The following COLGALT2 variants were observed in gnomAD, a reference collection of about 807,000 sequenced individuals.
The protein encoded by COLGALT2 is procollagen galactosyltransferase 2.
A neutral mutation model predicts 73.4 loss-of-function variants in COLGALT2; 49 were observed. The observed-to-expected ratio is 0.67, with a 90% CI of 0.53 to 0.85. COLGALT2 has a LOEUF of 0.85. Among genes scored for constraint, COLGALT2 ranks in the 40% least tolerant of loss-of-function variants. The pLI is 0.00. For missense variants in COLGALT2, 722 were observed against 790.2 expected (o/e 0.91, Z 1.03); for synonymous variants, 295 against 307.6 (o/e 0.96, Z 0.43).
chr1:184,031,946 A>G (rs939649382), intron 1 of COLGALT2, among the ~76,000 whole-genome samples: 4 of 151,614 alleles, frequency 2.6e-5, no homozygotes, highest in Admixed American at 6.6e-5. Flanking sequence ...GCCCAGGAAG[A>G]AGCACAGTGG....
intron 2 of COLGALT2, among the ~76,000 whole-genome samples, chr1:183,975,826 C>T (rs772094287): frequency 3.9e-5 from 6 of 152,190 alleles, no homozygotes; most frequent in African/African-American, 9.7e-5. Context: ...GGTTGGAGCA[C>T]GCTCCAAAAC....
Position 183,936,858 on chromosome 1 carries a change from A to G in COLGALT2, c.*1903T>C. ...AGCTTGCTGGTCAGTGTAGAAGGGT[A>G]CCCACAGTGAGTCGGGAAGGAAGGC... On this transcript the variant is annotated 3_prime_UTR_variant, in exon 12 of 12. Transcript: ENST00000361927. 8 of 1,231,702 alleles carry G rather than the reference A, an allele frequency of 6.5e-6. No homozygotes were observed. Among genetic ancestry groups the G allele is most frequent in the East Asian group, 6.3e-5 (2 of 31,696 alleles). The allele number at this position is 1,231,702 out of a possible 1,614,324, so 76.3% of individuals were successfully genotyped here. A position where few individuals can be genotyped will look rare whatever the true frequency, so the allele number is the denominator to read the frequency against.
chr1:183,986,805 T>C (rs1394141698), intron 1 of COLGALT2, among the ~76,000 whole-genome samples: 1 of 152,146 alleles, frequency 6.6e-6, no homozygotes, highest in African/African-American at 2.4e-5. Context: ...AGGCTGAGGA[T>C]GAGAGGTTAT....
rs374099635 is a variant in COLGALT2, at chr1:183,937,862, C to A, written c.*899G>T. ...CAGTGACTCACAGAACTCACACCTG[C>A]GGTGGGTTCCCAGGCTAAGGGGTGG... On this transcript the variant is annotated 3_prime_UTR_variant, in exon 12 of 12. Coordinates refer to ENST00000361927, the MANE Select transcript of COLGALT2 (RefSeq NM_015101.4). The A allele has an allele frequency of 1.0e-6, 1 of 985,462 alleles. No homozygotes were observed. The highest frequency in any genetic ancestry group is 5.2e-4 in the Middle Eastern group (1 of 1,914). The allele number at this position is 985,462 out of a possible 1,614,324, so 61.0% of individuals were successfully genotyped here. A position where few individuals can be genotyped will look rare whatever the true frequency, so the allele number is the denominator to read the frequency against.
chr1:184,013,576 G>A (rs971960265), intron 1 of COLGALT2, among the ~76,000 whole-genome samples: 8 of 152,202 alleles, frequency 5.3e-5, no homozygotes, highest in Admixed American at 2.0e-4. Flanking sequence ...GGGGAAGGAC[G>A]GGGCGGGAGA....
intron 11 of COLGALT2, among the ~76,000 whole-genome samples, chr1:183,939,776 G>A (rs1412154232): frequency 2.0e-5 from 3 of 152,120 alleles, no homozygotes; most frequent in Admixed American, 1.3e-4. Flanking sequence ...AGATCACCCA[G>A]CAACTGAGAG....
chr1:183,964,152 A>G (rs1670800767), intron 5 of COLGALT2, 132 bp from the exon 6 acceptor site: 2 of 967,708 alleles, frequency 2.1e-6, no homozygotes, highest in Non-Finnish European at 3.0e-6. Context: ...TGTTTCAGGT[A>G]TGTCTATAGA....
At chr1:183,994,186 C>A (rs570991848) in intron 1 of COLGALT2, among the ~76,000 whole-genome samples, 24 of 150,928 alleles carry the variant, frequency 1.6e-4, no homozygotes, top group Admixed American at 8.6e-4. Context: ...CTACAGGCAC[C>A]CGCCACCACA....
intron 1 of COLGALT2, among the ~76,000 whole-genome samples, chr1:184,015,561 C>T (rs1648971148): frequency 6.6e-6 from 1 of 152,246 alleles, no homozygotes; most frequent in African/African-American, 2.4e-5. Context: ...CGCATGTTTG[C>T]ACATCTTCTA....
intron 1 of COLGALT2, among the ~76,000 whole-genome samples, chr1:184,006,602 A>AAAT (rs10691791): frequency 0.52 from 77,052 of 148,134 alleles, 20,203 homozygotes; most frequent in Admixed American, 0.55. Flanking sequence ...AATAAAAATA[A>AAAT]AATAATAATA....
chr1:183,975,827 G>A (rs1184402863), intron 2 of COLGALT2, among the ~76,000 whole-genome samples: 1 of 152,154 alleles, frequency 6.6e-6, no homozygotes, highest in Non-Finnish European at 1.5e-5. Context: ...GTTGGAGCAC[G>A]CTCCAAAACC....
At chr1:183,997,876 C>G (rs1671812304) in intron 1 of COLGALT2, among the ~76,000 whole-genome samples, 1 of 152,210 alleles carries the variant, frequency 6.6e-6, no homozygotes, top group East Asian at 1.9e-4. Flanking sequence ...TAATACCTCA[C>G]TGTATTATTA....
At chr1:184,015,553 C>T (rs960212690) in intron 1 of COLGALT2, among the ~76,000 whole-genome samples, 9 of 152,256 alleles carry the variant, frequency 5.9e-5, no homozygotes, top group African/African-American at 2.2e-4. Context: ...AATGTCTCCG[C>T]ATGTTTGCAC....
At chr1:183,975,296 A>C (rs1338029248) in intron 2 of COLGALT2, 82 bp from the exon 3 acceptor site, 2 of 755,072 alleles carry the variant, frequency 2.6e-6, no homozygotes, top group Non-Finnish European at 4.3e-6. Context: ...GTATTCATTT[A>C]ATCTTCTATC....
intron 2 of COLGALT2, among the ~76,000 whole-genome samples, chr1:183,977,384 T>C (rs1202600351): frequency 1.3e-5 from 2 of 151,642 alleles, no homozygotes; most frequent in African/African-American, 2.4e-5. Flanking sequence ...GGCAGGAGAA[T>C]TGCTTGAACC....
chr1:184,025,739 C>G (rs556927907), intron 1 of COLGALT2, among the ~76,000 whole-genome samples: 1 of 152,316 alleles, frequency 6.6e-6, no homozygotes, highest in South Asian at 2.1e-4. Context: ...TAGCAAACAC[C>G]TTTCGCACAG....
chr1:184,002,536 T>C (rs922388135), intron 1 of COLGALT2, among the ~76,000 whole-genome samples: 14 of 152,208 alleles, frequency 9.2e-5, no homozygotes, highest in African/African-American at 3.1e-4. Flanking sequence ...AAAGAATAAT[T>C]ATTATAGAGA....
chr1:184,024,723 G>C (rs2102857578), intron 1 of COLGALT2, among the ~76,000 whole-genome samples: 1 of 147,890 alleles, frequency 6.8e-6, no homozygotes, highest in African/African-American at 2.5e-5. Context: ...ACAAGTATCA[G>C]GCAACACAGA....
At chr1:183,941,296 A>G (rs1444867026) in intron 10 of COLGALT2, among the ~76,000 whole-genome samples, 1 of 152,172 alleles carries the variant, frequency 6.6e-6, no homozygotes, top group African/African-American at 2.4e-5. Flanking sequence ...TGGGAACCCA[A>G]GAGTGGCCCT....
Sources: allele counts gnomAD v4.1 joint callset (sites outside exome capture counted in the v4.1 genomes callset), GRCh38; gene constraint gnomAD v4.1.1; transcripts MANE v1.5; gene names NCBI Gene and HGNC (gene_info 2026-07-23, HGNC 2026-07-21).